AK8: variants seen among roughly 807,000 people sequenced by gnomAD.
The protein encoded by AK8 is adenylate kinase 8.
Under a neutral mutation model 54.6 loss-of-function variants are expected in AK8, and 44 were observed. That is an observed-to-expected ratio of 0.81 (90% CI 0.63 to 1.04). The LOEUF (loss-of-function observed/expected upper bound fraction) is 1.04. AK8 is among the 50% of genes least tolerant of loss of function. The pLI is 0.00. For missense variants in AK8, 555 were observed against 613.6 expected (o/e 0.90, Z 1.01); for synonymous variants, 239 against 245.6 (o/e 0.97, Z 0.25).
chr9:132,830,691 T>G (rs1842071684), intron 5 of AK8, among the ~76,000 whole-genome samples: 1 of 152,220 alleles, frequency 6.6e-6, no homozygotes, highest in Non-Finnish European at 1.5e-5. Flanking sequence ...CACAAACCCT[T>G]TGAGGCAAAC....
chr9:132,857,083 C>G (rs1843199970), intron 4 of AK8, among the ~76,000 whole-genome samples: 1 of 152,192 alleles, frequency 6.6e-6, no homozygotes, highest in Admixed American at 6.5e-5. Flanking sequence ...GAGCCAGCAT[C>G]CAGTCCCTGG....
intron 2 of AK8, 149 bp downstream of exon 2, chr9:132,874,966 G>A (rs915811444): frequency 2.0e-6 from 2 of 1,016,386 alleles, no homozygotes; most frequent in East Asian, 2.6e-5. Flanking sequence ...TCAGACACAG[G>A]TAGGACAGAA....
intron 2 of AK8, among the ~76,000 whole-genome samples, chr9:132,869,831 G>C (rs540133515): frequency 6.6e-6 from 1 of 151,290 alleles, no homozygotes; most frequent in East Asian, 2.0e-4. Context: ...GGGTGGTCAA[G>C]GGTGGAGGAG....
At chr9:132,782,488 GACACCAGCCTGACCAACA>G (rs1839520039) in intron 11 of AK8, among the ~76,000 whole-genome samples, 1 of 152,254 alleles carries the variant, frequency 6.6e-6, no homozygotes, top group East Asian at 1.9e-4. Flanking sequence ...TCAGGAGTTT[GACACCAGCCTGACCAACA>G]TGGTGAAACC....
chr9:132,831,040 T>TC (rs1344861695), intron 5 of AK8, among the ~76,000 whole-genome samples: 1 of 152,230 alleles, frequency 6.6e-6, no homozygotes, highest in Non-Finnish European at 1.5e-5. Context: ...GTCTATCTTT[T>TC]CCCCTCTGAG....
intron 8 of AK8, among the ~76,000 whole-genome samples, chr9:132,824,544 A>G (rs1343418778): frequency 1.3e-5 from 2 of 152,182 alleles, no homozygotes; most frequent in African/African-American, 4.8e-5. Context: ...TATTCTGGGC[A>G]CTGTAGGATG....
intron 2 of AK8, among the ~76,000 whole-genome samples, chr9:132,868,999 T>C (rs1044315431): frequency 2.0e-5 from 3 of 152,060 alleles, no homozygotes; most frequent in Non-Finnish European, 4.4e-5. Flanking sequence ...GCCAACATGG[T>C]GAAACCCCAT....
At chr9:132,802,897 G>T (rs1475217564) in intron 10 of AK8, among the ~76,000 whole-genome samples, 1 of 152,124 alleles carries the variant, frequency 6.6e-6, no homozygotes, top group Non-Finnish European at 1.5e-5. Context: ...ATTAAATTGG[G>T]GGGTAGCTTG....
At chr9:132,840,460 C>A (rs1231554574) in intron 5 of AK8, among the ~76,000 whole-genome samples, 1 of 151,246 alleles carries the variant, frequency 6.6e-6, no homozygotes, top group Non-Finnish European at 1.5e-5. Flanking sequence ...GGCAAGTGAA[C>A]AGGCATGAGG....
intron 9 of AK8, 121 bp downstream of exon 9, chr9:132,823,082 AAG>A: frequency 2.2e-6 from 3 of 1,336,626 alleles, no homozygotes; most frequent in Non-Finnish European, 3.0e-6. Context: ...AAGAGCCAGA[AAG>A]AGAAGTGATA....
intron 4 of AK8, among the ~76,000 whole-genome samples, chr9:132,857,700 C>T (rs910415536): frequency 2.0e-5 from 3 of 152,180 alleles, no homozygotes; most frequent in African/African-American, 7.2e-5. Context: ...GAGAAGGGTG[C>T]CAACCAGGAC....
intron 11 of AK8, among the ~76,000 whole-genome samples, chr9:132,740,218 C>G (rs1837306893): frequency 6.6e-6 from 1 of 152,230 alleles, no homozygotes; most frequent in Non-Finnish European, 1.5e-5. Flanking sequence ...CACTTTTTAT[C>G]AGGCACTGTG....
chr9:132,867,920 G>A (rs1344559389), intron 2 of AK8, among the ~76,000 whole-genome samples: 2 of 152,214 alleles, frequency 1.3e-5, no homozygotes, highest in African/African-American at 4.8e-5. Flanking sequence ...TGACCAGCAT[G>A]GTGAGAAGGG....
Position 132,840,388 on chromosome 9 carries a change from T to A in AK8, c.403-11662A>T, listed in dbSNP as rs1174013645. On this transcript the variant is annotated intron_variant, in intron 5 of 12. Coordinates refer to ENST00000298545, the MANE Select transcript of AK8 (RefSeq NM_152572.3). ...TTCCTAACCTCCAGAGTGGTGGGAC[T>A]CAATCCCAAGTGGACACTCACACAC... is the stretch of plus-strand genomic sequence containing the variant. Among the ~76,000 whole-genome samples the A allele has an allele frequency of 2.1e-5, 3 of 145,388 alleles. No individual in the cohort carries two copies. The East Asian group carries it at 6.0e-4, about 29-fold the overall frequency.
chr9:132,725,876 G>A lies in AK8; in HGVS notation c.1252C>T (p.Leu418Phe), dbSNP rs764342264. 1 of 1,611,674 alleles carries A rather than the reference G, an allele frequency of 6.2e-7. No individual in the cohort carries two copies. Among genetic ancestry groups the A allele is most frequent in the Non-Finnish European group, 8.5e-7 (1 of 1,179,512 alleles). The change falls in exon 13 of 13, where the codon CTC (leucine) becomes TTC (phenylalanine). Residue 418 changes from leucine (L) to phenylalanine (F), a missense_variant. Coordinates refer to ENST00000298545, the MANE Select transcript of AK8 (RefSeq NM_152572.3). The stretch of plus-strand genomic sequence containing the variant: ...TCAGCATCCTTTGGGTTCTGCAGGA[G>A]GCGAGCCTGGATCTCCATGGTGGGA... ...PPPTMEIQARLLQNPKDAEEQ... is the reference protein window; with the variant it reads ...PPPTMEIQARFLQNPKDAEEQ...
Position 132,837,212 on chromosome 9 carries a change from G to A in AK8, c.403-8486C>T, listed in dbSNP as rs184373970. Among the ~76,000 whole-genome samples, 40 of 152,038 alleles carry A rather than the reference G, an allele frequency of 2.6e-4. 2 individuals are homozygous for A. In the East Asian group the frequency reaches 6.6e-3, roughly 25 times the overall value. Reference sequence around the variant, plus strand: ...CGGGCGCCTGTAATCCCAGCTACTCGGGAGACTGAGGCAGGAGAATCGCTT... The same window carrying A: ...CGGGCGCCTGTAATCCCAGCTACTCAGGAGACTGAGGCAGGAGAATCGCTT... On this transcript the variant is annotated intron_variant, in intron 5 of 12. Transcript: ENST00000298545. The surrounding 1 kb of genome is among the most constrained non-coding windows in gnomAD (Gnocchi z 4.3).
At chr9:132,843,210 G>A (rs577931348) in intron 5 of AK8, among the ~76,000 whole-genome samples, 1 of 152,062 alleles carries the variant, frequency 6.6e-6, no homozygotes, top group African/African-American at 2.4e-5. Context: ...TCATGGGGGC[G>A]GGTCCCTCAT....
chr9:132,826,933 G>T lies in AK8; in HGVS notation c.678C>A (p.Ile226=). The T allele has an allele frequency of 6.2e-7, 1 of 1,614,238 alleles. No homozygotes were observed. The highest frequency in any genetic ancestry group is 8.5e-7 in the Non-Finnish European group (1 of 1,180,042). The change falls in exon 8 of 13, where the codon ATC becomes ATA. Residue 226 remains isoleucine (I), a synonymous_variant. Coordinates refer to ENST00000298545, the MANE Select transcript of AK8 (RefSeq NM_152572.3). The surrounding 1 kb of genome is among the most constrained non-coding windows in gnomAD (Gnocchi z 4.5). ...AQKLLEYHRN[I]VRVIPSYPKI... is the part of the protein sequence containing the mutation. ...TGGGGTAGGAGGGAATGACCCTGAC[G>T]ATGTTCCTATGATACTCCAGCAGTT...
intron 11 of AK8, among the ~76,000 whole-genome samples, chr9:132,731,761 G>C (rs995525169): frequency 6.6e-6 from 1 of 152,148 alleles, no homozygotes; most frequent in Non-Finnish European, 1.5e-5. Context: ...TGACCCATCT[G>C]GGTTTTTGGT....
Sources: gnomAD v4.1 joint callset for allele counts (sites outside exome capture counted in the v4.1 genomes callset) on GRCh38, gnomAD v4.1.1 for gene constraint, Gnocchi (gnomAD v3.1) non-coding constraint, MANE v1.5 for transcripts, NCBI Gene and HGNC (gene_info 2026-07-23, HGNC 2026-07-21) for gene names.